The following DPP6 variants were observed in gnomAD, a reference collection of about 807,000 sequenced individuals.
DPP6 encodes A-type potassium channel modulatory protein DPP6.
In DPP6, 69 loss-of-function variants were observed where a neutral mutation model predicts 122.6. The ratio of observed to expected loss-of-function variants is 0.56; its 90% confidence interval spans 0.46 to 0.69. The LOEUF (loss-of-function observed/expected upper bound fraction) is 0.69, where lower values mean the gene tolerates loss of function less well. Ranked by LOEUF, DPP6 falls within the 30% of genes least tolerant of loss-of-function variation. The probability of loss-of-function intolerance (pLI) is 0.00; values close to 1 mark genes in which losing one functional copy is unlikely to be tolerated. For synonymous variants in DPP6, 418 were observed against 433.1 expected (o/e 0.97, Z 0.43); for missense variants, 928 against 1,116.9 (o/e 0.83, Z 2.41).
Position 154,801,411 on chromosome 7 carries a change from C to A in DPP6, c.1356C>A (p.Ile452=). 1 of 1,597,256 alleles carries A rather than the reference C, an allele frequency of 6.3e-7. No individual in the cohort carries two copies. The highest frequency in any genetic ancestry group is 8.5e-7 in the Non-Finnish European group (1 of 1,171,246). ...GAAAGTTTTTCTTCATCAGAGCCAT[C>A]CCCCAGGGAGGACGAGGGAAATTCT... ...DGRKFFFIRA[I]PQGGRGKFYH... The change falls in exon 13 of 26, where the codon ATC becomes ATA. Residue 452 remains isoleucine, a synonymous_variant. Transcript: ENST00000377770.
chr7:153,933,720 T>G (rs1223868259), intron 1 of DPP6, among the ~76,000 whole-genome samples: 2 of 151,802 alleles, frequency 1.3e-5, no homozygotes, highest in Non-Finnish European at 1.5e-5. Context: ...CACACACACC[T>G]GCATAGAAAC....
At position 154,282,878 on chromosome 7, in the gene DPP6, T is replaced by C. The variant is rs1804615759; in HGVS notation, c.244-163336T>C. Among the ~76,000 whole-genome samples the C allele has an allele frequency of 6.6e-6, 1 of 152,204 alleles. No individual in the cohort carries two copies. Among genetic ancestry groups the C allele is most frequent in the Admixed American group, 6.5e-5 (1 of 15,278 alleles). ...GATTGCCACTCTTTGGAGCCACATC[T>C]GAATGCCAGAAGTTCCCTTGACATC... is the stretch of plus-strand genomic sequence containing the variant. On this transcript the variant is annotated intron_variant, in intron 1 of 25. Coordinates refer to ENST00000377770, the MANE Select transcript of DPP6 (RefSeq NM_130797.4). This position sits in a 1 kb window ranked among gnomAD's most constrained non-coding sequence, Gnocchi z 4.8.
intron 4 of DPP6, among the ~76,000 whole-genome samples, chr7:154,542,640 T>C (rs558834056): frequency 6.6e-6 from 1 of 152,332 alleles, no homozygotes; most frequent in Admixed American, 6.5e-5. Flanking sequence ...CGCTGGCTTA[T>C]TCTATATAAT....
At chr7:154,537,556 G>T (rs553509141) in intron 3 of DPP6, among the ~76,000 whole-genome samples, 2 of 152,222 alleles carry the variant, frequency 1.3e-5, no homozygotes, top group Admixed American at 6.5e-5. Context: ...TCAGCGTGGT[G>T]GTGCAAGCTT....
At chr7:153,922,163 C>T (rs1800668980) in intron 1 of DPP6, among the ~76,000 whole-genome samples, 1 of 152,094 alleles carries the variant, frequency 6.6e-6, no homozygotes, top group South Asian at 2.1e-4. Flanking sequence ...CACGCTCATA[C>T]AAACTGTAAA....
chr7:154,648,266 C>CT (rs1261379580), intron 6 of DPP6, among the ~76,000 whole-genome samples: 1 of 141,186 alleles, frequency 7.1e-6, no homozygotes, highest in African/African-American at 2.8e-5. Context: ...AAAACTCTGT[C>CT]TAAAAAAAAA....
Position 154,119,059 on chromosome 7 carries a change from C to T in DPP6, c.243+65996C>T, listed in dbSNP as rs1807222525. Among the ~76,000 whole-genome samples, 9 of 152,246 alleles carry T rather than the reference C, an allele frequency of 5.9e-5. No homozygotes were observed. In the South Asian group the frequency reaches 1.9e-3, roughly 32 times the overall value. On this transcript the variant is annotated intron_variant, in intron 1 of 25. Coordinates refer to ENST00000377770, the MANE Select transcript of DPP6 (RefSeq NM_130797.4). Reference sequence around the variant, plus strand: ...GCAGTCATGTCACCATACTCTTTACCAGATGAGATGCAAACTCAGAAATAT... The same window carrying T: ...GCAGTCATGTCACCATACTCTTTACTAGATGAGATGCAAACTCAGAAATAT...
At chr7:154,264,778 C>A (rs1031414399) in intron 1 of DPP6, among the ~76,000 whole-genome samples, 78 of 143,098 alleles carry the variant, frequency 5.5e-4, no homozygotes, top group African/African-American at 1.9e-3. Flanking sequence ...TGATGATGAT[C>A]CTGATGATGG....
chr7:154,451,265 CAGG>C (rs1366450536), intron 2 of DPP6, among the ~76,000 whole-genome samples: 1 of 149,416 alleles, frequency 6.7e-6, no homozygotes, highest in Non-Finnish European at 1.5e-5. Context: ...GGAGGCTGAG[CAGG>C]AGAATGGCTT....
chr7:154,660,262 G>A (rs12670272), intron 6 of DPP6, among the ~76,000 whole-genome samples: 5,509 of 29,118 alleles, frequency 0.19, 955 homozygotes, highest in South Asian at 0.42. Flanking sequence ...TCACGATGGC[G>A]TATTGGCCGT....
intron 3 of DPP6, among the ~76,000 whole-genome samples, chr7:154,532,086 G>A (rs1827882496): frequency 6.6e-6 from 1 of 151,882 alleles, no homozygotes; most frequent in Non-Finnish European, 1.5e-5. Context: ...ATATTTAAAG[G>A]TTAGACTATA....
rs749716060 is a variant in DPP6 at position 154,893,018 on chromosome 7, A to AAACGC, written c.*539_*543dup. On this transcript the variant is annotated 3_prime_UTR_variant, in exon 26 of 26. Coordinates refer to ENST00000377770, the MANE Select transcript of DPP6 (RefSeq NM_130797.4). ...TTCAACATGGTGAGGGGCTACAAGAAAACGCTTTTCTGTACAGAGTCTTAC... is the reference window on the plus strand; with the variant it reads ...TTCAACATGGTGAGGGGCTACAAGAAAACGCAACGCTTTTCTGTACAGAGTCTTAC... The AAACGC allele has an allele frequency of 2.0e-6, 1 of 496,816 alleles. No individual in the cohort carries two copies. The highest frequency in any genetic ancestry group is 5.5e-5 in the East Asian group (1 of 18,078). The allele number at this position is 496,816 out of a possible 1,614,324, so 30.8% of individuals were successfully genotyped here.
chr7:154,768,526 G>C (rs906762490), intron 8 of DPP6, among the ~76,000 whole-genome samples: 2 of 152,124 alleles, frequency 1.3e-5, no homozygotes, highest in Non-Finnish European at 2.9e-5. Context: ...TATAGACCCA[G>C]TACAAGACAG....
At chr7:154,199,046 A>C (rs1372171584) in intron 1 of DPP6, among the ~76,000 whole-genome samples, 1 of 151,852 alleles carries the variant, frequency 6.6e-6, no homozygotes, top group African/African-American at 2.4e-5. Flanking sequence ...ATTTGCCCAA[A>C]TGTGGGGACA....
chr7:154,760,914 A>G lies in DPP6; in HGVS notation c.884-8503A>G, dbSNP rs111720568. 2.7e-3 allele frequency among the ~76,000 whole-genome samples: 410 copies of G among 150,128 alleles called. 3 individuals are homozygous for G. The highest frequency in any genetic ancestry group is 9.7e-3 in the African/African-American group (393 of 40,638). On this transcript the variant is annotated intron_variant, in intron 8 of 25. Transcript: ENST00000377770. The surrounding 1 kb of genome is among the most constrained non-coding windows in gnomAD (Gnocchi z 4.5). ...CAATGGTGCAATCTCGACTCACTGC[A>G]ACCTCCGCTTCCCTGGTTCAAGCGA...
intron 18 of DPP6, among the ~76,000 whole-genome samples, chr7:154,871,586 A>T (rs1804403003): frequency 6.6e-6 from 1 of 152,234 alleles, no homozygotes; most frequent in African/African-American, 2.4e-5. Context: ...CCTTGGGCTT[A>T]TCAGTGGCAG....
At chr7:154,562,591 T>A (rs568529706) in intron 4 of DPP6, among the ~76,000 whole-genome samples, 12 of 152,254 alleles carry the variant, frequency 7.9e-5, no homozygotes, top group African/African-American at 2.4e-4. Flanking sequence ...AGCAGTTCTC[T>A]AGAGTGCAAT....
intron 3 of DPP6, among the ~76,000 whole-genome samples, chr7:154,516,069 T>C (rs533547946): frequency 1.3e-5 from 2 of 152,282 alleles, no homozygotes; most frequent in South Asian, 2.1e-4. Context: ...AAATAATCAC[T>C]CTTCCTCAGG....
At chr7:154,195,023 T>C (rs1477853981) in intron 1 of DPP6, among the ~76,000 whole-genome samples, 1 of 152,208 alleles carries the variant, frequency 6.6e-6, no homozygotes, top group Non-Finnish European at 1.5e-5. Flanking sequence ...GGTTCTCTTA[T>C]AGATTATGCT....
Sources: allele counts gnomAD v4.1 joint callset (sites outside exome capture counted in the v4.1 genomes callset), GRCh38; gene constraint gnomAD v4.1.1; non-coding constraint Gnocchi (gnomAD v3.1); transcripts MANE v1.5; gene names NCBI Gene and HGNC (gene_info 2026-07-23, HGNC 2026-07-21).